The following NEBL variants were observed in gnomAD, a reference collection of about 807,000 sequenced individuals.
The protein encoded by NEBL is nebulette.
In NEBL, 122 loss-of-function variants were observed where a neutral mutation model predicts 140.2. That is an observed-to-expected ratio of 0.87 (90% CI 0.75 to 1.01). The LOEUF is 1.01. NEBL is among the 50% of genes least tolerant of loss of function. The probability of loss-of-function intolerance (pLI) is 0.00; values close to 1 mark genes in which losing one functional copy is unlikely to be tolerated. For synonymous variants in NEBL, 436 were observed against 398.9 expected, an observed-to-expected ratio of 1.09 and a Z score of -1.11; for missense variants, 1,365 against 1,231.3, an observed-to-expected ratio of 1.11 and a Z score of -1.62.
Position 20,823,319 on chromosome 10 carries a change from T to C in NEBL, c.1870-19A>G, listed in dbSNP as rs777813598. ...ATTTCACCTGCATAATTTATAAGAA[T>C]ATAACGTTAACTTTATTCTATGCAA... On this transcript the variant is annotated intron_variant, in intron 18 of 27. Coordinates refer to ENST00000377122, the MANE Select transcript of NEBL (RefSeq NM_006393.3). 3.9e-6 allele frequency: 6 copies of C among 1,545,990 alleles called. No individual in the cohort carries two copies. The Admixed American group carries it at 1.0e-4, about 26-fold the overall frequency.
chr10:20,940,318 C>A lies in NEBL; in HGVS notation c.357+21354G>T, dbSNP rs1016454978. The stretch of plus-strand genomic sequence containing the variant: ...GCTCAACTACATGGAAACTGAACAA[C>A]CTGCTCCTGAATGACTACTGGGTAC... On this transcript the variant is annotated intron_variant, in intron 4 of 6. Coordinates refer to the NEBL transcript ENST00000417816. Among the ~76,000 whole-genome samples the A allele has an allele frequency of 6.6e-4, 100 of 150,406 alleles. 2 individuals are homozygous for A. The highest frequency in any genetic ancestry group is 4.7e-3 in the Admixed American group (71 of 15,068).
chr10:20,883,275 G>A lies in NEBL; in HGVS notation c.370-2371C>T, dbSNP rs189269864. 1.8e-3 allele frequency among the ~76,000 whole-genome samples: 275 copies of A among 152,272 alleles called. 2 individuals are homozygous for A. The highest frequency in any genetic ancestry group is 6.4e-3 in the African/African-American group (264 of 41,564). On this transcript the variant is annotated intron_variant, in intron 4 of 27. Coordinates refer to ENST00000377122, the MANE Select transcript of NEBL (RefSeq NM_006393.3). Reference sequence around the variant, plus strand: ...TTTAAGTCTTATTCAGTCCTGCCCAGCCATGTTCCTACCTCCAATCCTGTG... The same window carrying A: ...TTTAAGTCTTATTCAGTCCTGCCCAACCATGTTCCTACCTCCAATCCTGTG...
chr10:21,253,870 C>T (rs973970102), intron 1 of NEBL, among the ~76,000 whole-genome samples: 7 of 151,956 alleles, frequency 4.6e-5, no homozygotes, highest in Non-Finnish European at 8.8e-5. Context: ...TAAGGATGAT[C>T]TCTTCAAATT....
chr10:21,240,010 T>C lies in NEBL; in HGVS notation n.348+7911A>G, dbSNP rs913758503. 5.3e-5 allele frequency among the ~76,000 whole-genome samples: 8 copies of C among 150,478 alleles called. No individual in the cohort carries two copies. In the South Asian group the frequency reaches 1.1e-3, roughly 20 times the overall value. On this transcript the variant is annotated intron_variant and non_coding_transcript_variant, in intron 3 of 8. Transcript: ENST00000675702. ...CAGCCTGGGTGACAGAGCGAGACTC[T>C]GCCTCAAAAAAAAAAAAAATGCAGT...
At chr10:21,081,474 T>C (rs891561281) in intron 2 of NEBL, among the ~76,000 whole-genome samples, 5 of 152,118 alleles carry the variant, frequency 3.3e-5, no homozygotes, top group Non-Finnish European at 5.9e-5. Flanking sequence ...AAGGTGGAGA[T>C]ATTGGTGGGA....
At chr10:21,014,031 C>T (rs1490566153) in intron 3 of NEBL, among the ~76,000 whole-genome samples, 1 of 152,146 alleles carries the variant, frequency 6.6e-6, no homozygotes, top group African/African-American at 2.4e-5. Flanking sequence ...CTGCAGGCCT[C>T]CAACTCCCCA....
intron 7 of NEBL, among the ~76,000 whole-genome samples, chr10:20,866,629 C>T (rs1844323185): frequency 6.6e-6 from 1 of 152,092 alleles, no homozygotes; most frequent in Admixed American, 6.6e-5. Context: ...TGGGGCCTTC[C>T]CCTTGAGTAG....
chr10:21,015,555 T>C lies in NEBL; in HGVS notation c.249+4562A>G, dbSNP rs192954694. ...TAGAGTCTTGCTGTGTCAGCCAGGC[T>C]GCTGGAGCACAGTGGTGTGATTACA... On this transcript the variant is annotated intron_variant, in intron 3 of 6. Transcript: ENST00000417816. Among the ~76,000 whole-genome samples, 1,048 of 152,348 alleles carry C rather than the reference T, an allele frequency of 6.9e-3. 8 individuals carry two copies. The highest frequency in any genetic ancestry group is 0.013 in the Admixed American group (203 of 15,304).
intron 3 of NEBL, among the ~76,000 whole-genome samples, chr10:21,004,097 G>T (rs925995440): frequency 2.0e-5 from 3 of 152,106 alleles, no homozygotes; most frequent in East Asian, 1.9e-4. Flanking sequence ...GTATATTAAA[G>T]ACATTTGAAT....
intron 2 of NEBL, among the ~76,000 whole-genome samples, chr10:21,105,338 T>G (rs1195651503): frequency 3.3e-5 from 5 of 151,920 alleles, no homozygotes; most frequent in Admixed American, 6.6e-5. Context: ...CCTCCCCCAG[T>G]CCCCTACCCC....
intron 2 of NEBL, among the ~76,000 whole-genome samples, chr10:21,084,432 A>T (rs1185252147): frequency 6.6e-6 from 1 of 152,096 alleles, no homozygotes; most frequent in East Asian, 1.9e-4. Flanking sequence ...GCAAATATAA[A>T]AGGCCAATGT....
At chr10:21,243,754 G>A (rs149024014) in intron 3 of NEBL, among the ~76,000 whole-genome samples, 1,606 of 152,220 alleles carry the variant, frequency 0.011, 8 homozygotes, top group Admixed American at 0.015. Flanking sequence ...CTTCCTTTCC[G>A]CATTCTCCCC....
At position 21,231,900 on chromosome 10, in the gene NEBL, T is replaced by C. The variant is rs1842266976; in HGVS notation, n.348+16021A>G. Reference sequence around the variant, plus strand: ...AACTTGAAAACTTAATTCCCAGGCATGGCAGGATGGGAGGCCAGACACACC... The same window carrying C: ...AACTTGAAAACTTAATTCCCAGGCACGGCAGGATGGGAGGCCAGACACACC... On this transcript the variant is annotated intron_variant and non_coding_transcript_variant, in intron 3 of 8. Transcript: ENST00000675702. 5.9e-5 allele frequency among the ~76,000 whole-genome samples: 9 copies of C among 152,254 alleles called. 1 individual carries two copies. In the South Asian group the frequency reaches 1.9e-3, roughly 32 times the overall value.
rs147901148 is a variant in NEBL at position 20,859,771 on chromosome 10, T to C, written c.740A>G (p.Asn247Ser). 64 of 1,604,132 alleles carry C rather than the reference T, an allele frequency of 4.0e-5. No homozygotes were observed. The highest frequency in any genetic ancestry group is 5.4e-5 in the African/African-American group (4 of 74,682). ...CCTAAAAGAAGCACTTTCAAGAGGA[T>C]TGTAATGATGTTTCTTATCCTTCAT... ...NEMKDKKHHYNPLESASFRQN... is the reference protein window; with the variant it reads ...NEMKDKKHHYSPLESASFRQN... Residue 247 changes from asparagine to serine, a missense_variant, in exon 8 of 28, where the codon AAT becomes AGT. Asn to Ser is a conservative substitution (Grantham distance 46). Coordinates refer to ENST00000377122, the MANE Select transcript of NEBL (RefSeq NM_006393.3).
intron 2 of NEBL, among the ~76,000 whole-genome samples, chr10:21,034,491 C>T (rs1833936854): frequency 6.6e-6 from 1 of 152,134 alleles, no homozygotes; most frequent in Admixed American, 6.5e-5. Context: ...TGCCAGACAT[C>T]CTAGAGCACA....
intron 2 of NEBL, among the ~76,000 whole-genome samples, chr10:21,085,995 T>G (rs936482414): frequency 6.6e-6 from 1 of 152,172 alleles, no homozygotes; most frequent in South Asian, 2.1e-4. Context: ...GTACTTTTCC[T>G]TGTCTTCACA....
At chr10:21,281,511 A>C (rs562019511) in intron 1 of NEBL, among the ~76,000 whole-genome samples, 1 of 150,622 alleles carries the variant, frequency 6.6e-6, no homozygotes, top group East Asian at 2.0e-4. Context: ...ATTAATAGAC[A>C]TTTTTAGAGC....
At chr10:20,887,991 G>A (rs956453792) in intron 4 of NEBL, 106 bp downstream of exon 4, 2 of 788,992 alleles carry the variant, frequency 2.5e-6, no homozygotes, top group Non-Finnish European at 4.4e-6. Context: ...ACTTTCATTT[G>A]GTATTTAACA....
intron 1 of NEBL, among the ~76,000 whole-genome samples, chr10:21,269,474 G>A (rs960013506): frequency 6.6e-6 from 1 of 152,188 alleles, no homozygotes; most frequent in African/African-American, 2.4e-5. Context: ...TATCTTCTTC[G>A]CACTCTAAAG....
Sources: allele counts gnomAD v4.1 joint callset (sites outside exome capture counted in the v4.1 genomes callset), GRCh38; gene constraint gnomAD v4.1.1; transcripts MANE v1.5; gene names NCBI Gene and HGNC (gene_info 2026-07-23, HGNC 2026-07-21).